Variants in MIR2052HG observed in about 807,000 individuals in gnomAD.
The protein encoded by MIR2052HG is MIR2052 host gene.
At chr8:74,714,698 C>CTTTTTTT (rs10715580) in intron 4 of MIR2052HG, among the ~76,000 whole-genome samples, 17 of 124,444 alleles carry the variant, frequency 1.4e-4, no homozygotes, top group East Asian at 2.4e-4. Flanking sequence ...CTTTTTCCTT[C>CTTTTTTT]TTTTTTTTTT....
At chr8:74,603,476 C>T (rs1470090348) in intron 1 of MIR2052HG, 21 of 1,598,170 alleles carry the variant, frequency 1.3e-5, no homozygotes, top group East Asian at 4.5e-5. Flanking sequence ...CCTTGACGCC[C>T]GATTATGCAG....
chr8:74,661,037 A>C (rs913250390), intron 2 of MIR2052HG, among the ~76,000 whole-genome samples: 5 of 152,146 alleles, frequency 3.3e-5, no homozygotes, highest in African/African-American at 1.2e-4. Flanking sequence ...TCTGTCAGCA[A>C]CTGGAGTTTA....
intron 2 of MIR2052HG, among the ~76,000 whole-genome samples, chr8:74,678,038 A>G (rs939395713): frequency 2.0e-5 from 3 of 152,192 alleles, no homozygotes; most frequent in Non-Finnish European, 4.4e-5. Flanking sequence ...TTAACAAAAT[A>G]GATGAATTCC....
intron 2 of MIR2052HG, among the ~76,000 whole-genome samples, chr8:74,663,696 T>C (rs945943192): frequency 3.9e-5 from 6 of 152,218 alleles, no homozygotes; most frequent in African/African-American, 1.4e-4. Flanking sequence ...CTAAGAATAA[T>C]CTAGTGAACT....
At chr8:74,733,209 C>T (rs912317816) in intron 4 of MIR2052HG, among the ~76,000 whole-genome samples, 2 of 152,098 alleles carry the variant, frequency 1.3e-5, no homozygotes, top group Non-Finnish European at 2.9e-5. Context: ...TTAGGTATCT[C>T]TCCTAAAGCT....
intron 2 of MIR2052HG, among the ~76,000 whole-genome samples, chr8:74,674,845 T>C (rs1239477103): frequency 1.3e-5 from 2 of 151,926 alleles, no homozygotes; most frequent in Non-Finnish European, 2.9e-5. Flanking sequence ...CTATATGTTA[T>C]ATATACTATA....
At chr8:74,618,824 C>G (rs1283414404) in intron 2 of MIR2052HG, among the ~76,000 whole-genome samples, 1 of 152,128 alleles carries the variant, frequency 6.6e-6, no homozygotes, top group Admixed American at 6.5e-5. Context: ...AAATAACATG[C>G]ACTCTAACTG....
intron 4 of MIR2052HG, among the ~76,000 whole-genome samples, chr8:74,727,620 G>T (rs34097595): frequency 1.3e-5 from 2 of 152,022 alleles, no homozygotes; most frequent in African/African-American, 4.8e-5. Flanking sequence ...TAATGTGTTA[G>T]GTTTTTTCTT....
intron 4 of MIR2052HG, among the ~76,000 whole-genome samples, chr8:74,729,688 G>A (rs1056684097): frequency 6.6e-6 from 1 of 152,104 alleles, no homozygotes; most frequent in Non-Finnish European, 1.5e-5. Context: ...CTTAAAATAG[G>A]CATTCCAGTC....
chr8:74,707,199 G>T (rs1164426622), intron 4 of MIR2052HG, among the ~76,000 whole-genome samples: 1 of 152,042 alleles, frequency 6.6e-6, no homozygotes, highest in Non-Finnish European at 1.5e-5. Flanking sequence ...CTAAATATGT[G>T]AGGCACTGCT....
chr8:74,639,569 G>A (rs1313345562), intron 2 of MIR2052HG, among the ~76,000 whole-genome samples: 1 of 152,068 alleles, frequency 6.6e-6, no homozygotes, highest in Non-Finnish European at 1.5e-5. Flanking sequence ...TGTAGTCCAG[G>A]GCTCTGGGAA....
chr8:74,632,132 G>A (rs1586898012), intron 2 of MIR2052HG, among the ~76,000 whole-genome samples: 1 of 152,296 alleles, frequency 6.6e-6, no homozygotes, highest in Non-Finnish European at 1.5e-5. Flanking sequence ...ACACCTCTAT[G>A]AGGCCATTTT....
At chr8:74,605,805 C>T (rs200685918) in intron 1 of MIR2052HG, among the ~76,000 whole-genome samples, 1 of 151,900 alleles carries the variant, frequency 6.6e-6, no homozygotes. Flanking sequence ...AAAATATAAA[C>T]GACCTTCTAA....
chr8:74,751,793 C>A (rs1809949362), intron 4 of MIR2052HG, among the ~76,000 whole-genome samples: 1 of 151,928 alleles, frequency 6.6e-6, no homozygotes, highest in South Asian at 2.1e-4. Flanking sequence ...ATACACAGGC[C>A]CATAATTGAG....
intron 2 of MIR2052HG, among the ~76,000 whole-genome samples, chr8:74,643,501 A>T (rs1808661420): frequency 6.6e-6 from 1 of 152,172 alleles, no homozygotes; most frequent in Non-Finnish European, 1.5e-5. Context: ...TCGTGGTTTT[A>T]CCTTTCAGCC....
chr8:74,653,253 T>G (rs1444906247), intron 2 of MIR2052HG, among the ~76,000 whole-genome samples: 1 of 152,220 alleles, frequency 6.6e-6, no homozygotes, highest in East Asian at 1.9e-4. Context: ...GGGCAGAAAT[T>G]GAGCTTTCTG....
chr8:74,653,996 T>G (rs1808778149), intron 2 of MIR2052HG, among the ~76,000 whole-genome samples: 1 of 152,130 alleles, frequency 6.6e-6, no homozygotes, highest in Admixed American at 6.6e-5. Flanking sequence ...AAGCCAAATA[T>G]TTAATAATAT....
chr8:74,746,985 T>C (rs1262604924), intron 4 of MIR2052HG, among the ~76,000 whole-genome samples: 1 of 152,150 alleles, frequency 6.6e-6, no homozygotes, highest in Non-Finnish European at 1.5e-5. Flanking sequence ...TTTGCTGTAA[T>C]CATAGGAAAA....
intron 4 of MIR2052HG, among the ~76,000 whole-genome samples, chr8:74,735,847 G>T (rs1490095550): frequency 6.6e-6 from 1 of 152,204 alleles, no homozygotes; most frequent in African/African-American, 2.4e-5. Context: ...CACATCGCTT[G>T]TGTTTAGAAT....
Sources: gnomAD v4.1 joint callset for allele counts (sites outside exome capture counted in the v4.1 genomes callset) on GRCh38, gnomAD v4.1.1 for gene constraint, MANE v1.5 for transcripts, NCBI Gene and HGNC (gene_info 2026-07-23, HGNC 2026-07-21) for gene names.